PPP4R2: variants seen among roughly 807,000 people sequenced by gnomAD.
PPP4R2 encodes the protein protein phosphatase 4 regulatory subunit 2, also known as serine/threonine-protein phosphatase 4 regulatory subunit 2.
PPP4R2 carries 13 observed loss-of-function variants against 47.2 expected under a neutral mutation model. The observed-to-expected ratio is 0.28, with a 90% CI of 0.18 to 0.44. The LOEUF is 0.44. Ranked by LOEUF, PPP4R2 falls within the 20% of genes least tolerant of loss-of-function variation. The pLI is 1.00. For synonymous variants in PPP4R2, 151 were observed against 163.3 expected (o/e 0.92, Z 0.57); for missense variants, 421 against 491.2 (o/e 0.86, Z 1.35).
intron 3 of PPP4R2, among the ~76,000 whole-genome samples, chr3:73,054,495 CAGTTA>C (rs1335860227): frequency 6.6e-6 from 1 of 152,180 alleles, no homozygotes; most frequent in Admixed American, 6.5e-5. Context: ...TCCATGTTGA[CAGTTA>C]AGTTTAACTC....
chr3:72,997,159 G>T (rs1426196684), intron 1 of PPP4R2, 88 bp downstream of exon 1: 3 of 1,097,834 alleles, frequency 2.7e-6, no homozygotes, highest in Non-Finnish European at 3.6e-6. Context: ...CGAGGACCGG[G>T]GCCGGGCGCG....
chr3:72,997,413 G>C, intron 1 of PPP4R2: 1 of 224,644 alleles, frequency 4.5e-6, no homozygotes. Context: ...CAGGCTACCC[G>C]TACGCTAGGC....
chr3:73,044,450 G>A (rs2107304509), intron 2 of PPP4R2, among the ~76,000 whole-genome samples: 1 of 152,246 alleles, frequency 6.6e-6, no homozygotes, highest in African/African-American at 2.4e-5. Flanking sequence ...GCTGGACGTA[G>A]TGGTAGGCAC....
At chr3:73,003,904 T>C (rs1701538347) in intron 2 of PPP4R2, among the ~76,000 whole-genome samples, 1 of 152,192 alleles carries the variant, frequency 6.6e-6, no homozygotes, top group African/African-American at 2.4e-5. Flanking sequence ...TTCTCTGTGA[T>C]GGCTGGGCTG....
At chr3:72,997,182 TG>T in intron 1 of PPP4R2, 111 bp downstream of exon 1, 1 of 844,212 alleles carries the variant, frequency 1.2e-6, no homozygotes, top group Non-Finnish European at 1.6e-6. Flanking sequence ...GTGGGGAGAG[TG>T]CTTCCCGGGC....
intron 2 of PPP4R2, among the ~76,000 whole-genome samples, chr3:73,002,246 C>G (rs1701482337): frequency 6.6e-6 from 1 of 152,060 alleles, no homozygotes; most frequent in African/African-American, 2.4e-5. Flanking sequence ...CAGGTTGGTT[C>G]CTTGTTTTAA....
At chr3:73,035,717 T>C (rs1210960088) in intron 2 of PPP4R2, among the ~76,000 whole-genome samples, 2 of 152,058 alleles carry the variant, frequency 1.3e-5, no homozygotes, top group Non-Finnish European at 2.9e-5. Context: ...CTCTGCCTCC[T>C]GAGTTCAAGT....
intron 7 of PPP4R2, among the ~76,000 whole-genome samples, 172 bp from the exon 8 acceptor site, chr3:73,064,679 TC>T (rs1702948117): frequency 6.6e-6 from 1 of 152,228 alleles, no homozygotes; most frequent in South Asian, 2.1e-4. Flanking sequence ...GAATTATTCA[TC>T]AAACAGTTTA....
intron 2 of PPP4R2, among the ~76,000 whole-genome samples, chr3:73,011,014 A>G (rs891260927): frequency 3.6e-5 from 4 of 109,642 alleles, no homozygotes; most frequent in Non-Finnish European, 5.8e-5. Context: ...AATTTGTCCA[A>G]GGTTGTACAG....
At chr3:73,019,028 G>C (rs1343899903) in intron 2 of PPP4R2, among the ~76,000 whole-genome samples, 3 of 152,146 alleles carry the variant, frequency 2.0e-5, no homozygotes, top group Non-Finnish European at 4.4e-5. Context: ...ATAGAGATAT[G>C]TACCATATAA....
intron 2 of PPP4R2, among the ~76,000 whole-genome samples, chr3:72,998,998 AT>A (rs1701407590): frequency 6.6e-6 from 1 of 152,100 alleles, no homozygotes; most frequent in Non-Finnish European, 1.5e-5. Context: ...GAATTGTATA[AT>A]TTCTCTGGCT....
rs559591865 is a variant in PPP4R2 at position 73,032,685 on chromosome 3, A to G, written c.117-14501A>G. Reference sequence around the variant, plus strand: ...TCCCTTAATGTCTGATTTCTTAGTAATGAAAGTTAAGATTTAGTTTCTTTT... The same window carrying G: ...TCCCTTAATGTCTGATTTCTTAGTAGTGAAAGTTAAGATTTAGTTTCTTTT... On this transcript the variant is annotated intron_variant, in intron 2 of 8. Coordinates refer to ENST00000356692, the MANE Select transcript of PPP4R2 (RefSeq NM_174907.4). Among the ~76,000 whole-genome samples, 3 of 152,284 alleles carry G rather than the reference A, an allele frequency of 2.0e-5. No homozygotes were observed. In the East Asian group the frequency reaches 5.8e-4, roughly 29 times the overall value.
intron 2 of PPP4R2, among the ~76,000 whole-genome samples, chr3:73,044,734 GTTTGCTA>G (rs1382065984): frequency 6.6e-6 from 1 of 152,170 alleles, no homozygotes; most frequent in East Asian, 1.9e-4. Context: ...CATCTTGTGT[GTTTGCTA>G]TTTGTATATC....
In PPP4R2 at chr3:73,055,066, A is replaced by G. The variant is rs186429996; in HGVS notation, c.288-3971A>G. 2.6e-5 allele frequency among the ~76,000 whole-genome samples: 4 copies of G among 152,232 alleles called. No homozygotes were observed. In the East Asian group the frequency reaches 7.7e-4, roughly 29 times the overall value. On this transcript the variant is annotated intron_variant, in intron 3 of 8. Coordinates refer to ENST00000356692, the MANE Select transcript of PPP4R2 (RefSeq NM_174907.4). ...TTTAAATTAAGATATATAAGGTAAA[A>G]TGTGTGGTCCTATTAATTAGGGTAA...
At chr3:73,051,127 C>G (rs1702604162) in intron 3 of PPP4R2, among the ~76,000 whole-genome samples, 1 of 152,156 alleles carries the variant, frequency 6.6e-6, no homozygotes, top group South Asian at 2.1e-4. Flanking sequence ...GTTGGTCAAG[C>G]TGGTCTTGAA....
chr3:73,063,008 C>A, intron 5 of PPP4R2: 1 of 1,009,516 alleles, frequency 9.9e-7, no homozygotes, highest in Non-Finnish European at 1.5e-6. Flanking sequence ...AGATCCCAGT[C>A]TTTGAGGAGA....
intron 5 of PPP4R2, 21 bp from the exon 6 acceptor site, chr3:73,063,652 G>GGGA: frequency 7.0e-7 from 1 of 1,426,364 alleles, no homozygotes; most frequent in Non-Finnish European, 9.9e-7. Flanking sequence ...TCATCCACAA[G>GGGA]TGTATTTTCT....
chr3:73,021,735 A>G (rs1701962741), intron 2 of PPP4R2, among the ~76,000 whole-genome samples: 1 of 152,012 alleles, frequency 6.6e-6, no homozygotes. Context: ...TTTATTGAGT[A>G]TATATTCTGT....
chr3:73,031,237 A>G (rs1313398200), intron 2 of PPP4R2, among the ~76,000 whole-genome samples: 9 of 152,130 alleles, frequency 5.9e-5, no homozygotes, highest in Admixed American at 1.3e-4. Flanking sequence ...CTGTTAGTTG[A>G]CATATTTCAT....
Sources: gnomAD v4.1 joint callset for allele counts (sites outside exome capture counted in the v4.1 genomes callset) on GRCh38, gnomAD v4.1.1 for gene constraint, MANE v1.5 for transcripts, NCBI Gene and HGNC (gene_info 2026-07-23, HGNC 2026-07-21) for gene names.